The following CAPZA1 variants were observed in gnomAD, a reference collection of about 807,000 sequenced individuals.
CAPZA1 encodes the protein capping actin protein of muscle Z-line subunit alpha 1.
In CAPZA1, 10 loss-of-function variants were observed where a neutral mutation model predicts 40.8. That is an observed-to-expected ratio of 0.25 (90% CI 0.15 to 0.42). The LOEUF is 0.42. CAPZA1 is among the 10% of genes least tolerant of loss of function. The pLI is 1.00. For synonymous variants in CAPZA1, 98 were observed against 115.0 expected (o/e 0.85, Z 0.95); for missense variants, 277 against 353.8 (o/e 0.78, Z 1.74).
At position 112,654,594 on chromosome 1, in the gene CAPZA1, C is replaced by G; in HGVS notation, c.349C>G (p.Leu117Val). ...DPQPEEADGGLKSWRESCDSA... is the reference protein window; with the variant it reads ...DPQPEEADGGVKSWRESCDSA... ...CCAGCCAGAAGAAGCAGATGGAGGT[C>G]TGAAGTCTTGGAGAGAATCCTGTGA... The change falls in exon 5 of 10, where the codon CTG becomes GTG. Residue 117 changes from leucine to valine, a missense_variant. Coordinates refer to ENST00000263168, the MANE Select transcript of CAPZA1 (RefSeq NM_006135.3). The G allele has an allele frequency of 6.2e-7, 1 of 1,613,974 alleles. No individual in the cohort carries two copies. The highest frequency in any genetic ancestry group is 2.2e-5 in the East Asian group (1 of 44,870).
intron 1 of CAPZA1, among the ~76,000 whole-genome samples, chr1:112,638,511 C>T (rs1671065253): frequency 6.6e-6 from 1 of 152,090 alleles, no homozygotes; most frequent in African/African-American, 2.4e-5. Context: ...GACAGGGTTA[C>T]ACCATGTTGG....
At chr1:112,642,940 CT>C (rs1192602461) in intron 1 of CAPZA1, among the ~76,000 whole-genome samples, 1 of 151,966 alleles carries the variant, frequency 6.6e-6, no homozygotes, top group Admixed American at 6.6e-5. Flanking sequence ...AGGGAAGTTA[CT>C]TTTTTGATAG....
intron 6 of CAPZA1, chr1:112,659,337 G>A (rs1406460409): frequency 1.8e-6 from 1 of 547,198 alleles, no homozygotes; most frequent in Admixed American, 3.2e-5. Context: ...TTGAAAATCT[G>A]AGTTTTACTT....
At chr1:112,623,091 T>C (rs1444588418) in intron 1 of CAPZA1, among the ~76,000 whole-genome samples, 1 of 152,156 alleles carries the variant, frequency 6.6e-6, no homozygotes, top group East Asian at 1.9e-4. Flanking sequence ...TTCAATATGT[T>C]GGTCAGGCTA....
intron 5 of CAPZA1, among the ~76,000 whole-genome samples, chr1:112,658,814 T>C (rs1043635993): frequency 6.6e-6 from 1 of 152,190 alleles, no homozygotes. Context: ...GAGCAGTATT[T>C]CCCTCTGTTT....
intron 7 of CAPZA1, chr1:112,666,854 A>G: frequency 2.0e-6 from 1 of 506,720 alleles, no homozygotes; most frequent in Non-Finnish European, 3.5e-6. Context: ...TGAACTTAAT[A>G]ATCAGTTTTC....
At chr1:112,649,330 G>T (rs1456271009) in intron 2 of CAPZA1, 88 bp from the exon 3 acceptor site, 6 of 936,728 alleles carry the variant, frequency 6.4e-6, no homozygotes, top group Middle Eastern at 2.1e-4. Flanking sequence ...ATTTTACAAA[G>T]CCTGACATTT....
chr1:112,653,093 G>A (rs1671428126), intron 3 of CAPZA1, among the ~76,000 whole-genome samples: 1 of 152,138 alleles, frequency 6.6e-6, no homozygotes, highest in Non-Finnish European at 1.5e-5. Flanking sequence ...GTGTATCAAT[G>A]GAGGATTCTT....
intron 7 of CAPZA1, among the ~76,000 whole-genome samples, chr1:112,663,112 A>G (rs1021317895): frequency 2.0e-5 from 3 of 151,620 alleles, no homozygotes; most frequent in South Asian, 2.1e-4. Flanking sequence ...GTACAGGCGC[A>G]TGCCACCACG....
chr1:112,659,172 A>T, intron 6 of CAPZA1, 71 bp downstream of exon 6: 1 of 964,780 alleles, frequency 1.0e-6, no homozygotes, highest in Non-Finnish European at 1.7e-6. Flanking sequence ...TTTTAATCCA[A>T]CTAGCTTGGA....
chr1:112,670,370 T>C lies in CAPZA1; in HGVS notation c.*238T>C, dbSNP rs1021442891. 7.2e-6 allele frequency: 3 copies of C among 415,882 alleles called. No individual in the cohort carries two copies. Among genetic ancestry groups the C allele is most frequent in the East Asian group, 4.4e-5 (1 of 22,922 alleles). The allele number at this position is 415,882 out of a possible 1,614,324, so 25.8% of individuals were successfully genotyped here. ...CGTGTAAATCTTTTTTTCTTTTTTTTTTTTTTTTTTTGGTTAATTCTGCCA... is the reference window on the plus strand; with the variant it reads ...CGTGTAAATCTTTTTTTCTTTTTTTCTTTTTTTTTTTGGTTAATTCTGCCA... On this transcript the variant is annotated 3_prime_UTR_variant, in exon 10 of 10. Transcript: ENST00000263168.
At chr1:112,620,055 C>T in intron 1 of CAPZA1, 172 bp downstream of exon 1, 2 of 570,134 alleles carry the variant, frequency 3.5e-6, no homozygotes, top group Non-Finnish European at 6.2e-6. Context: ...TCCTCTGCCT[C>T]ACGGTGGCCC....
chr1:112,668,001 G>A (rs1217283971), intron 8 of CAPZA1, among the ~76,000 whole-genome samples: 1 of 152,020 alleles, frequency 6.6e-6, no homozygotes, highest in African/African-American at 2.4e-5. Context: ...GCTGAGAAGT[G>A]TGGGCCGGGA....
intron 3 of CAPZA1, among the ~76,000 whole-genome samples, chr1:112,651,654 A>G (rs952954982): frequency 6.6e-6 from 1 of 152,174 alleles, no homozygotes; most frequent in Non-Finnish European, 1.5e-5. Flanking sequence ...TTGGTAATCT[A>G]TAGTCTTAGG....
intron 8 of CAPZA1, 35 bp downstream of exon 8, chr1:112,667,180 T>A: frequency 7.0e-7 from 1 of 1,430,094 alleles, no homozygotes; most frequent in South Asian, 1.2e-5. Context: ...GTCTTACTCA[T>A]GTCTCGTTTT....
intron 1 of CAPZA1, among the ~76,000 whole-genome samples, chr1:112,627,290 A>T (rs1242449296): frequency 1.3e-5 from 2 of 152,196 alleles, no homozygotes; most frequent in Non-Finnish European, 1.5e-5. Context: ...ATCATGTAGT[A>T]ACCTGGATGC....
intron 3 of CAPZA1, among the ~76,000 whole-genome samples, chr1:112,650,628 C>A (rs539663737): frequency 1.3e-5 from 2 of 152,332 alleles, no homozygotes; most frequent in African/African-American, 4.8e-5. Flanking sequence ...CACAATCTCA[C>A]AAGGCAAGTT....
intron 1 of CAPZA1, among the ~76,000 whole-genome samples, chr1:112,641,257 A>AT (rs1225265645): frequency 2.6e-5 from 4 of 151,470 alleles, no homozygotes; most frequent in Non-Finnish European, 4.4e-5. Context: ...GAAAAAAAAA[A>AT]TTTTAATTTG....
chr1:112,649,300 T>C (rs1671341450), intron 2 of CAPZA1, 118 bp from the exon 3 acceptor site: 1 of 708,116 alleles, frequency 1.4e-6, no homozygotes, highest in South Asian at 1.7e-5. Context: ...TTTCTACTCA[T>C]ATAGTACACC....
Sources: gnomAD v4.1 joint callset for allele counts (sites outside exome capture counted in the v4.1 genomes callset) on GRCh38, gnomAD v4.1.1 for gene constraint, MANE v1.5 for transcripts, NCBI Gene and HGNC (gene_info 2026-07-23, HGNC 2026-07-21) for gene names.